Variants in ADGRB3 observed in about 807,000 individuals in gnomAD.
ADGRB3 encodes brain-specific angiogenesis inhibitor 3.
ADGRB3 carries 37 observed loss-of-function variants against 193.4 expected under a neutral mutation model. The ratio of observed to expected loss-of-function variants is 0.19; its 90% confidence interval spans 0.15 to 0.25. The LOEUF is 0.25. ADGRB3 is among the 10% of genes least tolerant of loss of function. The pLI is 1.00. For synonymous variants in ADGRB3, 690 were observed against 644.2 expected (o/e 1.07, Z -1.08); for missense variants, 1,637 against 1,852.9 (o/e 0.88, Z 2.14).
At chr6:69,344,412 A>G (rs1393058623) in intron 26 of ADGRB3, among the ~76,000 whole-genome samples, 2 of 152,072 alleles carry the variant, frequency 1.3e-5, no homozygotes, top group Non-Finnish European at 2.9e-5. Flanking sequence ...TTTTTAGCCT[A>G]TTTCCTATTT....
In ADGRB3 at chr6:69,049,275, A is replaced by G. The variant is rs200311600; in HGVS notation, c.2262A>G (p.Leu754=). 1.6e-4 allele frequency: 255 copies of G among 1,598,814 alleles called. No homozygotes were observed. The highest frequency in any genetic ancestry group is 2.1e-4 in the Non-Finnish European group (246 of 1,170,722). ...SIFTPVSSKE[L]DESSVFVLGA... ...TTCAAAATTTATTCTTTCTAGAATT[A>G]GATGAATCATCTGTATTTGTTCTTG... The change falls in exon 15 of 32, where the codon TTA becomes TTG. Residue 754 remains leucine, a synonymous_variant. Coordinates refer to ENST00000370598, the MANE Select transcript of ADGRB3 (RefSeq NM_001704.3).
At chr6:69,388,613 G>A (rs1770123659) in intron 31 of ADGRB3, 90 bp from the exon 32 acceptor site, 1 of 1,252,114 alleles carries the variant, frequency 8.0e-7, no homozygotes, top group East Asian at 2.5e-5. Context: ...ACTGGATTAA[G>A]ATTACAAACA....
intron 3 of ADGRB3, among the ~76,000 whole-genome samples, chr6:68,750,333 C>T (rs534843274): frequency 2.8e-4 from 43 of 152,084 alleles, no homozygotes; most frequent in Non-Finnish European, 5.1e-4. Context: ...CTATGTGACT[C>T]GGGGATAGGG....
At chr6:69,262,939 C>T (rs745401058) in intron 20 of ADGRB3, among the ~76,000 whole-genome samples, 1 of 151,774 alleles carries the variant, frequency 6.6e-6, no homozygotes, top group African/African-American at 2.4e-5. Flanking sequence ...GTGTTTGAGA[C>T]CTTACATATA....
At chr6:68,942,312 C>T (rs1160698119) in intron 5 of ADGRB3, among the ~76,000 whole-genome samples, 1 of 152,060 alleles carries the variant, frequency 6.6e-6, no homozygotes, top group Non-Finnish European at 1.5e-5. Context: ...CCTGGGCTTA[C>T]CCTTACCAAT....
At chr6:69,090,027 T>G (rs959367961) in intron 17 of ADGRB3, among the ~76,000 whole-genome samples, 2 of 152,220 alleles carry the variant, frequency 1.3e-5, no homozygotes, top group African/African-American at 4.8e-5. Flanking sequence ...ATTTTTGTTT[T>G]TCTATTTTAT....
chr6:69,198,597 G>C (rs962067260), intron 17 of ADGRB3, among the ~76,000 whole-genome samples: 2 of 151,972 alleles, frequency 1.3e-5, no homozygotes, highest in South Asian at 4.1e-4. Context: ...CAACTACAAA[G>C]GCTGTGAGAC....
chr6:68,642,081 TA>T (rs1768096214), intron 3 of ADGRB3, among the ~76,000 whole-genome samples: 2 of 152,072 alleles, frequency 1.3e-5, no homozygotes, highest in African/African-American at 4.8e-5. Context: ...CATTTCCTAT[TA>T]AAAAAGGTTG....
intron 10 of ADGRB3, among the ~76,000 whole-genome samples, chr6:68,990,691 A>G (rs1769214559): frequency 6.6e-6 from 1 of 152,084 alleles, no homozygotes; most frequent in Non-Finnish European, 1.5e-5. Context: ...ATTTCTCAAG[A>G]TTCAATTCTA....
At chr6:68,856,490 A>G in intron 3 of ADGRB3, among the ~76,000 whole-genome samples, 1 of 152,218 alleles carries the variant, frequency 6.6e-6, no homozygotes, top group South Asian at 2.1e-4. Flanking sequence ...GAACTGGAGC[A>G]AAGGTGACTC....
In ADGRB3 at chr6:69,333,118, T is replaced by C. The variant is rs553062939; in HGVS notation, c.3188+110T>C. On this transcript the variant is annotated intron_variant, in intron 24 of 31. Coordinates refer to ENST00000370598, the MANE Select transcript of ADGRB3 (RefSeq NM_001704.3). ...TCTGCCTTGAATTTTGTTATTGATG[T>C]ACTAGTGTGTCCAGTAGATTCTGCT... 3.7e-5 allele frequency: 39 copies of C among 1,045,908 alleles called. No homozygotes were observed. In the African/African-American group the frequency reaches 5.5e-4, roughly 15 times the overall value. 64.8% of individuals were successfully genotyped at this position (1,045,908 alleles called of 1,614,324 possible). A position where few individuals can be genotyped will look rare whatever the true frequency, so the allele number is the denominator to read the frequency against.
chr6:68,995,913 A>G (rs1036277413), intron 11 of ADGRB3, among the ~76,000 whole-genome samples: 1 of 152,146 alleles, frequency 6.6e-6, no homozygotes, highest in Non-Finnish European at 1.5e-5. Flanking sequence ...TATCTCTTGT[A>G]TTCTACTTCC....
chr6:68,655,718 C>G (rs1184909026), intron 3 of ADGRB3, among the ~76,000 whole-genome samples: 1 of 151,590 alleles, frequency 6.6e-6, no homozygotes, highest in South Asian at 2.1e-4. Context: ...ACAGTATCAC[C>G]ACTTTTTCCT....
intron 3 of ADGRB3, among the ~76,000 whole-genome samples, chr6:68,652,756 T>C (rs1055369984): frequency 1.3e-5 from 2 of 152,134 alleles, no homozygotes; most frequent in African/African-American, 4.8e-5. Flanking sequence ...ATATTTCAGT[T>C]TCAAACTCAA....
intron 13 of ADGRB3, among the ~76,000 whole-genome samples, chr6:69,023,525 G>A (rs1374789434): frequency 6.6e-6 from 1 of 151,942 alleles, no homozygotes; most frequent in Admixed American, 6.5e-5. Context: ...ATTGTGCTTG[G>A]GGAAAAAAAT....
At chr6:69,313,192 G>A (rs768548899) in intron 20 of ADGRB3, among the ~76,000 whole-genome samples, 3 of 151,944 alleles carry the variant, frequency 2.0e-5, no homozygotes, top group Non-Finnish European at 2.9e-5. Flanking sequence ...CTTGGGCTTC[G>A]CCCTAGACAG....
At chr6:69,337,029 T>C (rs896447813) in intron 24 of ADGRB3, among the ~76,000 whole-genome samples, 1 of 152,110 alleles carries the variant, frequency 6.6e-6, no homozygotes, top group Non-Finnish European at 1.5e-5. Flanking sequence ...CAAATAAATA[T>C]CAAATAAAGA....
intron 10 of ADGRB3, among the ~76,000 whole-genome samples, chr6:68,991,681 G>A (rs974309050): frequency 3.3e-5 from 5 of 152,098 alleles, no homozygotes; most frequent in African/African-American, 1.2e-4. Flanking sequence ...GGGGAACGGG[G>A]AAGAACTCCG....
chr6:68,814,578 T>C (rs2127377391), intron 3 of ADGRB3, among the ~76,000 whole-genome samples: 1 of 152,308 alleles, frequency 6.6e-6, no homozygotes, highest in South Asian at 2.1e-4. Flanking sequence ...CAATTTTGGC[T>C]TTTGTTGCCA....
Sources: allele counts gnomAD v4.1 joint callset (sites outside exome capture counted in the v4.1 genomes callset), GRCh38; gene constraint gnomAD v4.1.1; transcripts MANE v1.5; gene names NCBI Gene and HGNC (gene_info 2026-07-23, HGNC 2026-07-21).